Variants in PTPRE observed in about 807,000 individuals in gnomAD.
PTPRE encodes receptor-type tyrosine-protein phosphatase epsilon.
A neutral mutation model predicts 102.0 loss-of-function variants in PTPRE; 51 were observed. The ratio of observed to expected loss-of-function variants is 0.50; its 90% CI spans 0.40 to 0.63. The LOEUF is 0.63. PTPRE is among the 30% of genes least tolerant of loss of function. The pLI, the probability that PTPRE is intolerant of heterozygous loss-of-function variation, is 0.00. For missense variants in PTPRE, 752 were observed against 915.1 expected (o/e 0.82, Z 2.30); for synonymous variants, 345 against 348.2 (o/e 0.99, Z 0.10).
intron 1 of PTPRE, among the ~76,000 whole-genome samples, chr10:127,941,614 A>G (rs1441106418): frequency 1.3e-5 from 2 of 152,274 alleles, no homozygotes; most frequent in African/African-American, 4.8e-5. Flanking sequence ...TACACCAGGT[A>G]GGCTAAATAG....
chr10:127,974,687 G>C (rs1052526726), intron 1 of PTPRE, among the ~76,000 whole-genome samples: 5 of 152,162 alleles, frequency 3.3e-5, no homozygotes, highest in Admixed American at 6.5e-5. Flanking sequence ...ATGTTAAATG[G>C]CTGGTTTAGC....
chr10:128,039,556 A>C (rs1348784080), intron 2 of PTPRE, among the ~76,000 whole-genome samples: 4 of 152,212 alleles, frequency 2.6e-5, no homozygotes, highest in Non-Finnish European at 5.9e-5. Context: ...ATATCCTCAT[A>C]ATGGTTTCAT....
At position 127,940,027 on chromosome 10, in the gene PTPRE, C is replaced by T. The variant is rs1380764102; in HGVS notation, c.-31+32718C>T. On this transcript the variant is annotated intron_variant, in intron 1 of 20. Transcript: ENST00000254667. ...AGAGGCAGGTGCAGGCAGGTACAGA[C>T]AGATGTGGGCAGATGGAGGCAGGTA... Among the ~76,000 whole-genome samples, 5 of 149,402 alleles carry T rather than the reference C, an allele frequency of 3.3e-5. No homozygotes were observed. The East Asian group carries it at 9.9e-4, about 30-fold the overall frequency.
intron 1 of PTPRE, chr10:127,964,976 C>T: frequency 2.2e-6 from 1 of 456,618 alleles, no homozygotes; most frequent in Non-Finnish European, 4.4e-6. Flanking sequence ...GTGCCGTGAA[C>T]CTTTTATTCT....
intron 2 of PTPRE, among the ~76,000 whole-genome samples, chr10:128,007,107 T>C (rs894767006): frequency 1.1e-4 from 17 of 152,136 alleles, no homozygotes; most frequent in Non-Finnish European, 1.5e-4. Context: ...CTCTCTCTCT[T>C]TTTTTTAAGT....
intron 2 of PTPRE, among the ~76,000 whole-genome samples, chr10:128,032,238 A>C (rs1245483201): frequency 1.3e-5 from 2 of 151,852 alleles, no homozygotes; most frequent in Non-Finnish European, 1.5e-5. Flanking sequence ...GTGGTCTTGA[A>C]CTCTTGACCT....
intron 1 of PTPRE, among the ~76,000 whole-genome samples, chr10:127,957,252 G>A (rs552976502): frequency 6.6e-5 from 10 of 152,230 alleles, no homozygotes; most frequent in South Asian, 4.1e-4. Context: ...TTTTTGTGAA[G>A]GGTATAAAGC....
intron 2 of PTPRE, among the ~76,000 whole-genome samples, chr10:127,995,593 G>T (rs906746774): frequency 2.0e-5 from 3 of 152,164 alleles, no homozygotes; most frequent in African/African-American, 7.2e-5. Flanking sequence ...GATTTCATCA[G>T]CACCATCATG....
intron 10 of PTPRE, among the ~76,000 whole-genome samples, chr10:128,064,404 G>A (rs1849882014): frequency 1.3e-5 from 2 of 152,226 alleles, no homozygotes; most frequent in African/African-American, 4.8e-5. Context: ...GGGGAAGAGG[G>A]AAGAGTGACA....
In PTPRE at chr10:128,047,832, A is replaced by G; in HGVS notation, c.278A>G (p.Glu93Gly). 6.3e-7 allele frequency: 1 copy of G among 1,599,904 alleles called. No individual in the cohort carries two copies. The highest frequency in any genetic ancestry group is 8.6e-7 in the Non-Finnish European group (1 of 1,169,526). Residue 93 changes from glutamate (E) to glycine (G), a missense_variant, in exon 5 of 21, where the codon GAG (glutamate) becomes GGG (glycine). Glu to Gly is a moderately conservative substitution (Grantham distance 98). Coordinates refer to ENST00000254667, the MANE Select transcript of PTPRE (RefSeq NM_006504.6). ...DKKMPNGILE[E>G]QEQQRVMLLS... ...AAGATGCCCAACGGAATCTTGGAGGAGCAAGGTACAGAAGCTGCTCTCTGG... is the reference window on the plus strand; with the variant it reads ...AAGATGCCCAACGGAATCTTGGAGGGGCAAGGTACAGAAGCTGCTCTCTGG...
intron 1 of PTPRE, among the ~76,000 whole-genome samples, chr10:127,959,728 T>C (rs543306454): frequency 5.9e-5 from 9 of 152,302 alleles, no homozygotes; most frequent in African/African-American, 2.2e-4. Flanking sequence ...TGATCCTGGG[T>C]CAGCTACTTC....
intron 11 of PTPRE, among the ~76,000 whole-genome samples, 169 bp downstream of exon 11, chr10:128,066,363 G>A (rs1850090531): frequency 6.6e-6 from 1 of 152,256 alleles, no homozygotes; most frequent in Admixed American, 6.5e-5. Context: ...ACATGCAAGA[G>A]GGCCAAGACA....
intron 1 of PTPRE, among the ~76,000 whole-genome samples, chr10:127,916,838 AT>A (rs1211624787): frequency 6.6e-6 from 1 of 152,160 alleles, no homozygotes; most frequent in African/African-American, 2.4e-5. Context: ...AGGGAAGACT[AT>A]GGACTCATTC....
intron 2 of PTPRE, among the ~76,000 whole-genome samples, chr10:128,036,000 G>A (rs1847181869): frequency 6.6e-6 from 1 of 152,154 alleles, no homozygotes; most frequent in Admixed American, 6.5e-5. Flanking sequence ...TCCATCTCAG[G>A]TCGCTCAACC....
At chr10:128,043,421 G>C (rs1021832725) in intron 3 of PTPRE, among the ~76,000 whole-genome samples, 1 of 152,162 alleles carries the variant, frequency 6.6e-6, no homozygotes, top group Non-Finnish European at 1.5e-5. Flanking sequence ...ATCTAATGCC[G>C]CTGCTGATCT....
At chr10:127,954,212 T>C (rs1849237100) in intron 1 of PTPRE, among the ~76,000 whole-genome samples, 2 of 152,230 alleles carry the variant, frequency 1.3e-5, no homozygotes, top group South Asian at 2.1e-4. Flanking sequence ...GTTCATGGGC[T>C]CAACAACATG....
At chr10:127,973,489 AGTT>A (rs370050589) in intron 1 of PTPRE, among the ~76,000 whole-genome samples, 39 of 152,164 alleles carry the variant, frequency 2.6e-4, no homozygotes, top group Non-Finnish European at 4.4e-4. Flanking sequence ...CAGATCAGCC[AGTT>A]GTTGTGGGGT....
At chr10:128,036,868 C>T (rs1014725674) in intron 2 of PTPRE, among the ~76,000 whole-genome samples, 1 of 152,218 alleles carries the variant, frequency 6.6e-6, no homozygotes, top group Non-Finnish European at 1.5e-5. Flanking sequence ...TCCTGAGACT[C>T]TGCATTCCTC....
At chr10:127,928,597 G>T (rs957972070) in intron 1 of PTPRE, among the ~76,000 whole-genome samples, 1 of 152,168 alleles carries the variant, frequency 6.6e-6, no homozygotes, top group African/African-American at 2.4e-5. Flanking sequence ...GGACAGATTA[G>T]CTGTGCTGGG....
Sources: allele counts gnomAD v4.1 joint callset (sites outside exome capture counted in the v4.1 genomes callset), GRCh38; gene constraint gnomAD v4.1.1; transcripts MANE v1.5; gene names NCBI Gene and HGNC (gene_info 2026-07-23, HGNC 2026-07-21).